The following THRAP3 variants were observed in gnomAD, a reference collection of about 807,000 sequenced individuals.
The protein encoded by THRAP3 is thyroid hormone receptor-associated protein 3.
Under a neutral mutation model 101.0 loss-of-function variants are expected in THRAP3, and 16 were observed. That is an observed-to-expected ratio of 0.16 (90% CI 0.11 to 0.24). The LOEUF (loss-of-function observed/expected upper bound fraction) is 0.24, where lower values mean the gene tolerates loss of function less well. Ranked by LOEUF, THRAP3 falls within the 10% of genes least tolerant of loss-of-function variation. The pLI, the probability that THRAP3 is intolerant of heterozygous loss-of-function variation, is 1.00. For synonymous variants in THRAP3, 407 were observed against 422.6 expected (o/e 0.96, Z 0.45); for missense variants, 989 against 1,202.7 (o/e 0.82, Z 2.63).
At chr1:36,302,259 A>T (rs891518841) in intron 11 of THRAP3, among the ~76,000 whole-genome samples, 3 of 152,234 alleles carry the variant, frequency 2.0e-5, no homozygotes, top group Non-Finnish European at 4.4e-5. Context: ...CTGTAACAGC[A>T]GACTAAGATC....
At chr1:36,208,620 T>A in the THRAP3 span, among the ~76,000 whole-genome samples, 1 of 152,222 alleles carries the variant, frequency 6.6e-6, no homozygotes, top group African/African-American at 2.4e-5. Flanking sequence ...ATTCTCTTTT[T>A]ATTGTGTAGT....
At chr1:36,236,011 G>A (rs554165256) in intron 1 of THRAP3, among the ~76,000 whole-genome samples, 12 of 151,892 alleles carry the variant, frequency 7.9e-5, no homozygotes, top group African/African-American at 2.9e-4. Flanking sequence ...GACTTTGGGA[G>A]GCCGAGGTGG....
chr1:36,285,392 T>TA (rs1458220752), intron 3 of THRAP3, among the ~76,000 whole-genome samples: 2 of 152,292 alleles, frequency 1.3e-5, no homozygotes, highest in African/African-American at 2.4e-5. Flanking sequence ...TACACCAACA[T>TA]ACGTAATTTT....
At chr1:36,211,738 GTGTT>G in the THRAP3 span, among the ~76,000 whole-genome samples, 1 of 152,316 alleles carries the variant, frequency 6.6e-6, no homozygotes, top group South Asian at 2.1e-4. Context: ...CCTGACTAGA[GTGTT>G]TGGTTTGCTT....
chr1:36,220,953 C>CAAAAAAAA (rs1206488922), upstream of THRAP3, among the ~76,000 whole-genome samples: 2 of 44,388 alleles, frequency 4.5e-5, no homozygotes, highest in African/African-American at 2.7e-4. Context: ...GAGACTGTCT[C>CAAAAAAAA]AAAAAAAAAA....
rs78206872 is a variant in THRAP3 at position 36,304,446 on chromosome 1, C to CT, written c.*446dup. The stretch of plus-strand genomic sequence containing the variant: ...CTGTCCTGATTTTAAAAGCCCCCTC[C>CT]TTTTTTTTTTTTTTTTTCTTTTTTT... On this transcript the variant is annotated 3_prime_UTR_variant, in exon 12 of 12. Transcript: ENST00000354618. The CT allele has an allele frequency of 0.087, 15,702 of 180,886 alleles. 374 individuals carry two copies. Among genetic ancestry groups the CT allele is most frequent in the East Asian group, 0.16 (1,932 of 12,126 alleles). 11.2% of individuals were successfully genotyped at this position (180,886 alleles called of 1,614,324 possible).
chr1:36,217,383 A>G, the THRAP3 span, among the ~76,000 whole-genome samples: 1 of 152,178 alleles, frequency 6.6e-6, no homozygotes, highest in African/African-American at 2.4e-5. Flanking sequence ...GAGAGAGGTC[A>G]CTCAGGGAGA....
intron 8 of THRAP3, 23 bp downstream of exon 8, chr1:36,293,958 A>G (rs1412653988): frequency 1.1e-5 from 18 of 1,606,402 alleles, no homozygotes; most frequent in Non-Finnish European, 1.4e-5. Flanking sequence ...TTTGATCAGT[A>G]ATTCCAACAA....
At chr1:36,254,427 G>A (rs753003669) in intron 1 of THRAP3, among the ~76,000 whole-genome samples, 16 of 152,170 alleles carry the variant, frequency 1.1e-4, no homozygotes, top group East Asian at 3.8e-4. Flanking sequence ...TGCCTTAAAA[G>A]GGTAACATCA....
At chr1:36,230,660 T>C (rs1294583845) in intron 1 of THRAP3, among the ~76,000 whole-genome samples, 1 of 152,184 alleles carries the variant, frequency 6.6e-6, no homozygotes. Flanking sequence ...TAATAGTGTT[T>C]CTTTGGAAGC....
chr1:36,281,398 T>C (rs1557443499), intron 2 of THRAP3, among the ~76,000 whole-genome samples: 2 of 152,212 alleles, frequency 1.3e-5, no homozygotes, highest in Non-Finnish European at 2.9e-5. Context: ...GAGAAAAGAC[T>C]GCATGCACCA....
chr1:36,247,363 C>T (rs974896158), intron 1 of THRAP3, among the ~76,000 whole-genome samples: 4 of 151,782 alleles, frequency 2.6e-5, no homozygotes, highest in African/African-American at 7.3e-5. Flanking sequence ...CTAGCTCTGT[C>T]GTCCAGGCTG....
At chr1:36,231,897 C>T (rs866920509) in intron 1 of THRAP3, among the ~76,000 whole-genome samples, 1 of 152,042 alleles carries the variant, frequency 6.6e-6, no homozygotes, top group Non-Finnish European at 1.5e-5. Flanking sequence ...GGTCAGATTC[C>T]GGTGTTGGGT....
chr1:36,263,216 C>T (rs528993214), intron 2 of THRAP3, among the ~76,000 whole-genome samples: 5 of 152,084 alleles, frequency 3.3e-5, no homozygotes, highest in Non-Finnish European at 5.9e-5. Context: ...CCTCCTGCTT[C>T]GGCCTCCTGA....
intron 2 of THRAP3, among the ~76,000 whole-genome samples, chr1:36,272,976 G>T (rs537358865): frequency 6.6e-6 from 1 of 152,298 alleles, no homozygotes; most frequent in Admixed American, 6.5e-5. Context: ...TAAAATTATT[G>T]TTCCTTCTTG....
intron 1 of THRAP3, among the ~76,000 whole-genome samples, chr1:36,241,299 T>A (rs1196455852): frequency 6.6e-6 from 1 of 150,442 alleles, no homozygotes; most frequent in African/African-American, 2.4e-5. Flanking sequence ...TTAGAGTACT[T>A]CAGGTTTATG....
At chr1:36,272,686 T>G (rs886845820) in intron 2 of THRAP3, among the ~76,000 whole-genome samples, 2 of 152,222 alleles carry the variant, frequency 1.3e-5, no homozygotes, top group African/African-American at 4.8e-5. Context: ...CTTATCTCTA[T>G]CAGTTGATGG....
At chr1:36,227,428 A>T (rs1047407329) in intron 1 of THRAP3, among the ~76,000 whole-genome samples, 13 of 151,752 alleles carry the variant, frequency 8.6e-5, no homozygotes, top group Non-Finnish European at 1.8e-4. Flanking sequence ...GATTACAGGG[A>T]TGTGCCACCA....
upstream of THRAP3, among the ~76,000 whole-genome samples, chr1:36,222,019 C>T (rs1272229996): frequency 2.0e-5 from 3 of 151,864 alleles, no homozygotes; most frequent in Non-Finnish European, 4.4e-5. Flanking sequence ...ATCATGTTGG[C>T]CAGGCTGGTC....
Sources: allele counts gnomAD v4.1 joint callset (sites outside exome capture counted in the v4.1 genomes callset), GRCh38; gene constraint gnomAD v4.1.1; transcripts MANE v1.5; gene names NCBI Gene and HGNC (gene_info 2026-07-23, HGNC 2026-07-21).